Variants in RET observed in about 807,000 individuals in gnomAD.
The protein encoded by RET is proto-oncogene tyrosine-protein kinase receptor Ret.
In RET, 19 loss-of-function variants were observed where a neutral mutation model predicts 118.3. That is an observed-to-expected ratio of 0.16 (90% CI 0.11 to 0.24). RET has a LOEUF of 0.24. Among genes scored for constraint, RET ranks in the 10% least tolerant of loss-of-function variants. The probability of loss-of-function intolerance (pLI) is 1.00; values close to 1 mark genes in which losing one functional copy is unlikely to be tolerated. For missense variants in RET, 1,219 were observed against 1,502.1 expected (o/e 0.81, Z 3.12); for synonymous variants, 597 against 644.1 (o/e 0.93, Z 1.11).
Position 43,118,288 on chromosome 10 carries a change from G to A in RET, c.2285-85G>A, listed in dbSNP as rs3026766. ...CTCTCTGTCTGAACTTGGGCAAGGC[G>A]ATGCAGGTCCATCCTGACCTGGTAT... On this transcript the variant is annotated intron_variant, in intron 12 of 19. Coordinates refer to ENST00000355710, the MANE Select transcript of RET (RefSeq NM_020975.6). 2.3e-3 allele frequency: 2,359 copies of A among 1,043,914 alleles called. 46 individuals are homozygous for A. In the African/African-American group the frequency reaches 0.034, roughly 15 times the overall value. 64.7% of individuals were successfully genotyped at this position (1,043,914 alleles called of 1,614,324 possible).
At chr10:43,113,431 C>T in intron 9 of RET, 125 bp from the exon 10 acceptor site, 1 of 1,169,934 alleles carries the variant, frequency 8.5e-7, no homozygotes, top group Non-Finnish European at 1.2e-6. Context: ...GGGCCCCTGG[C>T]CTCACTGGGC....
Position 43,087,887 on chromosome 10 carries a change from G to T in RET, c.73+10556G>T, listed in dbSNP as rs1350381474. Among the ~76,000 whole-genome samples the T allele has an allele frequency of 5.3e-5, 8 of 152,218 alleles. No homozygotes were observed. In the East Asian group the frequency reaches 1.5e-3, roughly 29 times the overall value. On this transcript the variant is annotated intron_variant, in intron 1 of 19. Transcript: ENST00000355710. ...ATGAGAGTGGTAGGGATAGAGGTGA[G>T]ATGGGGGTGGTGCTGGTGATAGTGA...
At chr10:43,112,408 G>A (rs1356927918) in intron 8 of RET, among the ~76,000 whole-genome samples, 184 bp downstream of exon 8, 1 of 152,252 alleles carries the variant, frequency 6.6e-6, no homozygotes, top group African/African-American at 2.4e-5. Context: ...GAGAGGGCTT[G>A]TGAGTACAGT....
At chr10:43,108,096 G>A (rs547164241) in intron 5 of RET, among the ~76,000 whole-genome samples, 13 of 152,012 alleles carry the variant, frequency 8.6e-5, no homozygotes, top group African/African-American at 2.9e-4. Flanking sequence ...TGTAATCCCA[G>A]CACTTTAGGG....
rs1331131715 is a variant in RET at position 43,114,105 on chromosome 10, T to C, written c.1880-375T>C. 6.6e-6 allele frequency among the ~76,000 whole-genome samples: 1 copy of C among 152,206 alleles called. No individual in the cohort carries two copies. The highest frequency in any genetic ancestry group is 1.5e-5 in the Non-Finnish European group (1 of 68,026). On this transcript the variant is annotated intron_variant, in intron 10 of 19. Coordinates refer to ENST00000355710, the MANE Select transcript of RET (RefSeq NM_020975.6). The surrounding 1 kb of genome is among the most constrained non-coding windows in gnomAD (Gnocchi z 4.6). Reference sequence around the variant, plus strand: ...CTGGTATTATATAGCCCTACGTCCCTAGCCACTTAGCATTTTCATAAAGAA... The same window carrying C: ...CTGGTATTATATAGCCCTACGTCCCCAGCCACTTAGCATTTTCATAAAGAA...
At chr10:43,089,494 G>A (rs1018405930) in intron 1 of RET, among the ~76,000 whole-genome samples, 2 of 152,206 alleles carry the variant, frequency 1.3e-5, no homozygotes, top group Non-Finnish European at 2.9e-5. Context: ...GCCCAAGGAA[G>A]TACTCAGGAC....
intron 3 of RET, among the ~76,000 whole-genome samples, chr10:43,103,083 A>C (rs550829301): frequency 6.6e-6 from 1 of 152,334 alleles, no homozygotes; most frequent in African/African-American, 2.4e-5. Context: ...AGGGCACCAC[A>C]GTGTGACCCT....
intron 18 of RET, 110 bp from the exon 19 acceptor site, chr10:43,126,465 C>T (rs559111415): frequency 9.2e-6 from 9 of 976,386 alleles, no homozygotes; most frequent in Middle Eastern, 6.2e-4. Context: ...GAGATTGGTG[C>T]GAGGTGGAGA....
intron 16 of RET, among the ~76,000 whole-genome samples, chr10:43,122,698 C>A (rs1838245029): frequency 6.6e-6 from 1 of 152,170 alleles, no homozygotes; most frequent in African/African-American, 2.4e-5. Context: ...ACCTCCACCT[C>A]CTGGGTTCAA....
intron 6 of RET, 136 bp downstream of exon 6, chr10:43,109,366 G>A (rs1837864400): frequency 1.1e-6 from 1 of 903,378 alleles, no homozygotes; most frequent in Middle Eastern, 3.2e-4. Context: ...CCAGGGCCAG[G>A]AGGTACAGCT....
At chr10:43,081,573 T>C (rs930537684) in intron 1 of RET, among the ~76,000 whole-genome samples, 6 of 152,144 alleles carry the variant, frequency 3.9e-5, no homozygotes, top group African/African-American at 1.2e-4. Flanking sequence ...CAGGGCTGTC[T>C]CTCCGTGCCC....
intron 3 of RET, among the ~76,000 whole-genome samples, chr10:43,103,854 G>C (rs918313877): frequency 6.6e-6 from 1 of 152,222 alleles, no homozygotes; most frequent in Non-Finnish European, 1.5e-5. Flanking sequence ...GCAAGGCATG[G>C]TTCTGCCTGG....
chr10:43,099,952 T>C (rs1837601101), intron 1 of RET, among the ~76,000 whole-genome samples: 2 of 152,272 alleles, frequency 1.3e-5, no homozygotes, highest in Non-Finnish European at 2.9e-5. Context: ...TCTTGACTTC[T>C]GTGAATCATC....
intron 1 of RET, among the ~76,000 whole-genome samples, chr10:43,081,084 G>A (rs1261219354): frequency 6.6e-6 from 1 of 152,226 alleles, no homozygotes; most frequent in South Asian, 2.1e-4. Flanking sequence ...AGGGAATAGG[G>A]GCAAAGCAGG....
chr10:43,118,487 C>T lies in RET; in HGVS notation c.2392+7C>T, dbSNP rs1223172915. On this transcript the variant is annotated splice_region_variant and intron_variant, in intron 13 of 19. Coordinates refer to ENST00000355710, the MANE Select transcript of RET (RefSeq NM_020975.6). ...GGGGCCTGCAGCCAGGATGGTAAGGCCAGCTGCAGGGTGAGGTGGGCAGCC... is the reference window on the plus strand; with the variant it reads ...GGGGCCTGCAGCCAGGATGGTAAGGTCAGCTGCAGGGTGAGGTGGGCAGCC... The T allele has an allele frequency of 3.7e-6, 6 of 1,609,184 alleles. No individual in the cohort carries two copies. Among genetic ancestry groups the T allele is most frequent in the Non-Finnish European group, 5.1e-6 (6 of 1,176,156 alleles).
chr10:43,092,086 A>G (rs776394556), intron 1 of RET, among the ~76,000 whole-genome samples: 30 of 152,360 alleles, frequency 2.0e-4, no homozygotes, highest in Non-Finnish European at 3.4e-4. Flanking sequence ...GAAGTTACCC[A>G]AGTGTCCATT....
intron 1 of RET, among the ~76,000 whole-genome samples, chr10:43,100,045 G>A (rs1837603097): frequency 6.6e-6 from 1 of 152,200 alleles, no homozygotes. Flanking sequence ...GGGTCATATG[G>A]TAGGCGTATG....
chr10:43,090,821 G>A (rs964426155), intron 1 of RET, among the ~76,000 whole-genome samples: 2 of 150,136 alleles, frequency 1.3e-5, no homozygotes, highest in Non-Finnish European at 3.0e-5. Context: ...CCCTGGCACC[G>A]AGGGCTGGCC....
intron 6 of RET, 126 bp downstream of exon 6, chr10:43,109,356 C>T (rs927540696): frequency 4.1e-6 from 4 of 965,504 alleles, no homozygotes; most frequent in Non-Finnish European, 6.4e-6. Flanking sequence ...AGTCCTGAGC[C>T]CAGGGCCAGG....
Sources: gnomAD v4.1 joint callset for allele counts (sites outside exome capture counted in the v4.1 genomes callset) on GRCh38, gnomAD v4.1.1 for gene constraint, Gnocchi (gnomAD v3.1) non-coding constraint, MANE v1.5 for transcripts, NCBI Gene and HGNC (gene_info 2026-07-23, HGNC 2026-07-21) for gene names.